APBA2: variants seen among roughly 807,000 people sequenced by gnomAD.
APBA2 encodes amyloid-beta A4 precursor protein-binding family A member 2.
In APBA2, 30 loss-of-function variants were observed where a neutral mutation model predicts 75.0. The ratio of observed to expected loss-of-function variants is 0.40; its 90% CI spans 0.30 to 0.54. The LOEUF (loss-of-function observed/expected upper bound fraction) is 0.54, where lower values mean the gene tolerates loss of function less well. Among genes scored for constraint, APBA2 ranks in the 20% least tolerant of loss-of-function variants. The probability of loss-of-function intolerance (pLI) is 0.49; values close to 1 mark genes in which losing one functional copy is unlikely to be tolerated. For missense variants in APBA2, 801 were observed against 1,016.1 expected (o/e 0.79, Z 2.88); for synonymous variants, 444 against 409.6 (o/e 1.08, Z -1.01).
At chr15:28,952,564 C>T (rs1267025705) in intron 2 of APBA2, among the ~76,000 whole-genome samples, 1 of 152,118 alleles carries the variant, frequency 6.6e-6, no homozygotes, top group African/African-American at 2.4e-5. Context: ...ACCTGCTATC[C>T]AGTTTAAGAC....
At position 28,974,640 on chromosome 15, in the gene APBA2, A is replaced by G. The variant is rs546935169; in HGVS notation, c.-94-21113A>G. ...AATTAATCATAAGATTAAAAACCAA[A>G]AAGGCCCTTCAATTTGAAGAGTTAC... On this transcript the variant is annotated intron_variant, in intron 2 of 14. Transcript: ENST00000683413. 3.3e-5 allele frequency among the ~76,000 whole-genome samples: 5 copies of G among 152,342 alleles called. No individual in the cohort carries two copies. The South Asian group carries it at 8.3e-4, about 25-fold the overall frequency.
intron 2 of APBA2, among the ~76,000 whole-genome samples, chr15:28,968,615 G>C (rs76093747): frequency 0.012 from 1,835 of 152,278 alleles, 37 homozygotes; most frequent in African/African-American, 0.042. Flanking sequence ...GCAGGCAGCT[G>C]TTGATGCTCA....
intron 6 of APBA2, among the ~76,000 whole-genome samples, chr15:29,081,003 T>C (rs2043060497): frequency 6.6e-6 from 1 of 152,152 alleles, no homozygotes; most frequent in South Asian, 2.1e-4. Context: ...TGTCTATAGC[T>C]CATCAACTTG....
intron 6 of APBA2, among the ~76,000 whole-genome samples, chr15:29,079,542 A>G (rs759579336): frequency 1.1e-4 from 17 of 152,138 alleles, no homozygotes; most frequent in Admixed American, 2.6e-4. Flanking sequence ...TGGCCAGACA[A>G]TCAAACCCTG....
At chr15:28,928,508 A>T (rs915716862) in intron 2 of APBA2, among the ~76,000 whole-genome samples, 1 of 152,124 alleles carries the variant, frequency 6.6e-6, no homozygotes, top group Non-Finnish European at 1.5e-5. Flanking sequence ...TCTTCTGATT[A>T]CATCTCAGTC....
At chr15:29,091,136 G>A (rs1409158590) in intron 6 of APBA2, among the ~76,000 whole-genome samples, 6 of 152,156 alleles carry the variant, frequency 3.9e-5, no homozygotes, top group African/African-American at 7.2e-5. Context: ...CCTGAATCCC[G>A]CAGTCCCCCA....
At chr15:29,100,429 GT>G (rs2044061127) in intron 9 of APBA2, among the ~76,000 whole-genome samples, 1 of 152,250 alleles carries the variant, frequency 6.6e-6, no homozygotes, top group Admixed American at 6.5e-5. Context: ...AAACACTCGA[GT>G]TTCTTTTGTG....
At chr15:29,093,851 T>A (rs915648622) in intron 7 of APBA2, among the ~76,000 whole-genome samples, 5 of 152,028 alleles carry the variant, frequency 3.3e-5, no homozygotes, top group African/African-American at 1.2e-4. Context: ...CACAACCTCC[T>A]CTAACAGAAG....
chr15:29,099,002 T>C (rs2043989761), intron 9 of APBA2, among the ~76,000 whole-genome samples: 1 of 152,130 alleles, frequency 6.6e-6, no homozygotes, highest in African/African-American at 2.4e-5. Context: ...CCCATGTCTG[T>C]CCTGTGTCCA....
chr15:28,935,192 C>T (rs1420566995), intron 2 of APBA2, among the ~76,000 whole-genome samples: 1 of 152,206 alleles, frequency 6.6e-6, no homozygotes, highest in Non-Finnish European at 1.5e-5. Context: ...TCACAGGTCG[C>T]CTTAAAGAGA....
intron 3 of APBA2, among the ~76,000 whole-genome samples, chr15:29,035,981 G>T (rs1275002353): frequency 6.6e-6 from 1 of 152,148 alleles, no homozygotes; most frequent in East Asian, 1.9e-4. Flanking sequence ...AACCTTCCTG[G>T]TTGCAAGCCA....
At position 29,022,254 on chromosome 15, in the gene APBA2, A is replaced by G. The variant is rs1471404511; in HGVS notation, c.-41+26448A>G. The stretch of plus-strand genomic sequence containing the variant: ...AATAGTGATACCAATTTGTATTCCT[A>G]TCAACAGTGCACAAGGATTTTCTTT... On this transcript the variant is annotated intron_variant, in intron 3 of 14. Transcript: ENST00000683413. Among the ~76,000 whole-genome samples the G allele has an allele frequency of 3.9e-5, 6 of 152,188 alleles. 1 individual carries two copies. The highest frequency in any genetic ancestry group is 2.6e-4 in the Admixed American group (4 of 15,282).
At chr15:29,080,209 C>G (rs1365611185) in intron 6 of APBA2, among the ~76,000 whole-genome samples, 1 of 152,208 alleles carries the variant, frequency 6.6e-6, no homozygotes, top group Non-Finnish European at 1.5e-5. Context: ...TTAACAATCA[C>G]TATATCCACA....
intron 1 of APBA2, among the ~76,000 whole-genome samples, chr15:28,896,845 A>T (rs1187536713): frequency 1.3e-5 from 2 of 152,204 alleles, no homozygotes; most frequent in East Asian, 3.8e-4. Flanking sequence ...CAAGGAAGTA[A>T]CTGGAGTTAT....
intron 6 of APBA2, among the ~76,000 whole-genome samples, chr15:29,090,762 T>TG (rs1411875269): frequency 6.6e-6 from 1 of 152,048 alleles, no homozygotes; most frequent in Non-Finnish European, 1.5e-5. Context: ...GGGGCTTCAC[T>TG]GGGGGGTGCC....
At chr15:28,974,376 G>A (rs1021860851) in intron 2 of APBA2, among the ~76,000 whole-genome samples, 8 of 152,178 alleles carry the variant, frequency 5.3e-5, no homozygotes, top group African/African-American at 1.7e-4. Context: ...TGAGGGACAC[G>A]CAGTTCCAGG....
rs1182082446 is a variant in APBA2 at position 28,948,863 on chromosome 15, C to G, written c.-95+27114C>G. Among the ~76,000 whole-genome samples, 8 of 150,132 alleles carry G rather than the reference C, an allele frequency of 5.3e-5. No individual in the cohort carries two copies. In the Admixed American group the frequency reaches 5.3e-4, roughly 10 times the overall value. The stretch of plus-strand genomic sequence containing the variant: ...TCCCAGGCCAGGCACAGAGCAGCTG[C>G]TCAGTAAATGTTGCTGAGTGAGAGG... On this transcript the variant is annotated intron_variant, in intron 2 of 14. Coordinates refer to ENST00000683413, the MANE Select transcript of APBA2 (RefSeq NM_001353788.2).
intron 8 of APBA2, among the ~76,000 whole-genome samples, chr15:29,095,985 C>T (rs892131053): frequency 6.6e-6 from 1 of 152,252 alleles, no homozygotes; most frequent in Non-Finnish European, 1.5e-5. Context: ...AGCAATCCTA[C>T]AGAGTCGCTG....
At chr15:29,081,010 C>T (rs1566983433) in intron 6 of APBA2, among the ~76,000 whole-genome samples, 1 of 152,180 alleles carries the variant, frequency 6.6e-6, no homozygotes, top group Non-Finnish European at 1.5e-5. Flanking sequence ...AGCTCATCAA[C>T]TTGCCCAGCT....
Sources: allele counts gnomAD v4.1 joint callset (sites outside exome capture counted in the v4.1 genomes callset), GRCh38; gene constraint gnomAD v4.1.1; transcripts MANE v1.5; gene names NCBI Gene and HGNC (gene_info 2026-07-23, HGNC 2026-07-21).